The following UNC5CL variants were observed in gnomAD, a reference collection of about 807,000 sequenced individuals.
UNC5CL encodes the protein unc-5 family C-terminal like.
UNC5CL carries 42 observed loss-of-function variants against 54.1 expected under a neutral mutation model. The ratio of observed to expected loss-of-function variants is 0.78; its 90% CI spans 0.61 to 1.00. The LOEUF (loss-of-function observed/expected upper bound fraction) is 1.00, where lower values mean the gene tolerates loss of function less well. Ranked by LOEUF, UNC5CL falls within the 50% of genes least tolerant of loss-of-function variation. The pLI is 0.00. For synonymous variants in UNC5CL, 285 were observed against 285.1 expected (o/e 1.00, Z 0.00); for missense variants, 619 against 675.6 (o/e 0.92, Z 0.93).
At position 41,034,693 on chromosome 6, in the gene UNC5CL, G is replaced by A; in HGVS notation, c.382C>T (p.Pro128Ser). Residue 128 changes from proline to serine, a missense_variant, in exon 2 of 9, where the codon CCA becomes TCA. Coordinates refer to ENST00000244565, the MANE Select transcript of UNC5CL (RefSeq NM_173561.3). Reference sequence around the variant, plus strand: ...GATGAGAGCCAGGAGCTGTTACCTGGTGGGATGAGCAAGGAGATGCCTGTA... The same window carrying A: ...GATGAGAGCCAGGAGCTGTTACCTGATGGGATGAGCAAGGAGATGCCTGTA... The part of the protein sequence containing the change: ...QDTGISLLIP[P>S]GAVAVGRQER... 6.2e-7 allele frequency: 1 copy of A among 1,601,422 alleles called. No individual in the cohort carries two copies. The highest frequency in any genetic ancestry group is 8.5e-7 in the Non-Finnish European group (1 of 1,179,134).
chr6:41,027,289 A>C lies in UNC5CL; in HGVS notation c.*1084T>G, dbSNP rs1463641355. 1.3e-5 allele frequency: 2 copies of C among 152,236 alleles called. No homozygotes were observed. Among genetic ancestry groups the C allele is most frequent in the Non-Finnish European group, 2.9e-5 (2 of 68,054 alleles). 9.4% of individuals were successfully genotyped at this position (152,236 alleles called of 1,614,324 possible). ...CATTGGTTTAGAGACATATGCCTGA[A>C]GGGAAAAGAGGGAGGGTTTCAGGCA... On this transcript the variant is annotated 3_prime_UTR_variant, in exon 9 of 9. Transcript: ENST00000244565.
chr6:41,031,031 G>A (rs551099778), intron 6 of UNC5CL, among the ~76,000 whole-genome samples: 1 of 152,262 alleles, frequency 6.6e-6, no homozygotes, highest in Non-Finnish European at 1.5e-5. Context: ...GGGAAGTCCT[G>A]GGTGGGGCCG....
At chr6:41,033,798 A>G in intron 3 of UNC5CL, 83 bp downstream of exon 3, 4 of 1,466,696 alleles carry the variant, frequency 2.7e-6, no homozygotes, top group South Asian at 1.3e-5. Flanking sequence ...AGAGATGAAG[A>G]TAAGGCAGAC....
intron 1 of UNC5CL, among the ~76,000 whole-genome samples, chr6:41,038,829 C>T (rs1482262712): frequency 6.6e-6 from 1 of 152,208 alleles, no homozygotes; most frequent in Non-Finnish European, 1.5e-5. Context: ...AAACTCTCAA[C>T]CTTTCCTCCA....
chr6:41,034,627 A>G, intron 2 of UNC5CL, 63 bp downstream of exon 2: 1 of 1,549,874 alleles, frequency 6.5e-7, no homozygotes, highest in South Asian at 1.2e-5. Flanking sequence ...GCTCCCTCAG[A>G]TGTGGTGACC....
chr6:41,036,895 C>A (rs892068832), intron 1 of UNC5CL, among the ~76,000 whole-genome samples: 1 of 152,224 alleles, frequency 6.6e-6, no homozygotes, highest in Non-Finnish European at 1.5e-5. Flanking sequence ...AGTAGCTCTT[C>A]CTGAGGCCCT....
rs1345053232 is a variant in UNC5CL at position 41,026,958 on chromosome 6, GT to G, written c.*1414del. ...TTAATTAAATACAGAAGAAAATTGTGTTGCCAGAGAGATTGTTTGCCTGCCT... is the reference window on the plus strand; with the variant it reads ...TTAATTAAATACAGAAGAAAATTGTGTGCCAGAGAGATTGTTTGCCTGCCT... On this transcript the variant is annotated 3_prime_UTR_variant, in exon 9 of 9. Transcript: ENST00000244565. The G allele has an allele frequency of 6.6e-6, 1 of 152,186 alleles. No homozygotes were observed. Among genetic ancestry groups the G allele is most frequent in the Non-Finnish European group, 1.5e-5 (1 of 68,026 alleles). The allele number at this position is 152,186 out of a possible 1,614,324, so 9.4% of individuals were successfully genotyped here. A position where few individuals can be genotyped will look rare whatever the true frequency, so the allele number is the denominator to read the frequency against.
chr6:41,031,625 T>G, intron 6 of UNC5CL, 56 bp downstream of exon 6: 1 of 1,574,630 alleles, frequency 6.4e-7, no homozygotes, highest in Non-Finnish European at 8.7e-7. Flanking sequence ...TGTGCCCACT[T>G]TGCCTAGGAT....
At chr6:41,032,405 G>A (rs1762465188) in intron 4 of UNC5CL, among the ~76,000 whole-genome samples, 1 of 152,198 alleles carries the variant, frequency 6.6e-6, no homozygotes, top group Admixed American at 6.5e-5. Context: ...GGGCTCAGTA[G>A]ACAGCAGAGT....
In UNC5CL at chr6:41,028,064, C is replaced by T; in HGVS notation, c.*309G>A. The T allele has an allele frequency of 2.5e-6, 1 of 392,160 alleles. No homozygotes were observed. The highest frequency in any genetic ancestry group is 4.6e-6 in the Non-Finnish European group (1 of 217,114). The allele number at this position is 392,160 out of a possible 1,614,324, so 24.3% of individuals were successfully genotyped here. On this transcript the variant is annotated 3_prime_UTR_variant, in exon 9 of 9. Coordinates refer to ENST00000244565, the MANE Select transcript of UNC5CL (RefSeq NM_173561.3). The surrounding 1 kb of genome is among the most constrained non-coding windows in gnomAD (Gnocchi z 4.3). ...CTCAGTGAATACTTTAGGGCCTGAC[C>T]GGCCCTAAAGTGCACGCGGGGACCG...
Position 41,033,059 on chromosome 6 carries a change from T to C in UNC5CL, c.774A>G (p.Pro258=). 1 of 1,612,968 alleles carries C rather than the reference T, an allele frequency of 6.2e-7. No individual in the cohort carries two copies. Among genetic ancestry groups the C allele is most frequent in the Non-Finnish European group, 8.5e-7 (1 of 1,179,532 alleles). The change falls in exon 4 of 9, where the codon CCA becomes CCG. Residue 258 remains proline (P), a synonymous_variant. Coordinates refer to ENST00000244565, the MANE Select transcript of UNC5CL (RefSeq NM_173561.3). ...QLAVFCSPLV[P]GQSHLQLRIY... ...TACGCAGTTGCAGATGGGACTGTCC[T>C]GGCACCAGCGGTGAGCAGAATACGG...
In UNC5CL at chr6:41,034,037, C is replaced by A. The variant is rs1762487997; in HGVS notation, c.530G>T (p.Cys177Phe). 1 of 1,614,074 alleles carries A rather than the reference C, an allele frequency of 6.2e-7. No homozygotes were observed. The highest frequency in any genetic ancestry group is 1.3e-5 in the African/African-American group (1 of 74,934). ...GPHGASFLKP[C>F]TLTFKHCAEQ... ...GGCACAGTGTTTGAACGTGAGAGTG[C>A]AAGGCTTCAGGAAGGAGGCCCCATG... Residue 177 changes from cysteine (C) to phenylalanine (F), a missense_variant, in exon 3 of 9, where the codon TGC becomes TTC. Physicochemically the swap from Cys to Phe is radical, Grantham distance 205. Transcript: ENST00000244565.
At chr6:41,032,270 G>C (rs995545758) in intron 4 of UNC5CL, 133 bp from the exon 5 acceptor site, 4 of 733,102 alleles carry the variant, frequency 5.5e-6, no homozygotes, top group Admixed American at 4.7e-5. Flanking sequence ...CCAGAGCCTG[G>C]GCTGGGACCC....
rs1442361259 is a variant in UNC5CL at position 41,029,247 on chromosome 6, A to C, written c.1335-652T>G. On this transcript the variant is annotated intron_variant, in intron 8 of 8. Coordinates refer to ENST00000244565, the MANE Select transcript of UNC5CL (RefSeq NM_173561.3). The surrounding 1 kb of genome is among the most constrained non-coding windows in gnomAD (Gnocchi z 4.1). ...CACTACACCCACAGCCACCTCTGCT[A>C]CTCCCCAAAACAAAATGGCTGATCT... is the stretch of plus-strand genomic sequence containing the variant. 1.3e-5 allele frequency among the ~76,000 whole-genome samples: 2 copies of C among 151,758 alleles called. No individual in the cohort carries two copies. The highest frequency in any genetic ancestry group is 2.9e-5 in the Non-Finnish European group (2 of 67,982).
intron 6 of UNC5CL, 50 bp from the exon 7 acceptor site, chr6:41,030,805 CCT>C (rs1762446536): frequency 2.6e-6 from 4 of 1,563,590 alleles, no homozygotes; most frequent in East Asian, 2.2e-5. Flanking sequence ...AAGCCATCCC[CCT>C]GAGTAAGAAG....
chr6:41,034,833 T>G lies in UNC5CL; in HGVS notation c.242A>C (p.Gln81Pro). Residue 81 changes from glutamine (Q) to proline (P), a missense_variant, in exon 2 of 9, where the codon CAG (glutamine) becomes CCG (proline). Coordinates refer to ENST00000244565, the MANE Select transcript of UNC5CL (RefSeq NM_173561.3). ...GCCTTGAGTGGGTGTGTGTAGCTCC[T>G]GGTAGAAGGCAACCATCTCTGGCAG... ...ATLPEMVAFY[Q>P]ELHTPTQGQT... 6.2e-7 allele frequency: 1 copy of G among 1,614,240 alleles called. No homozygotes were observed. The highest frequency in any genetic ancestry group is 8.5e-7 in the Non-Finnish European group (1 of 1,180,036).
chr6:41,034,266 G>A, intron 2 of UNC5CL, 85 bp from the exon 3 acceptor site: 1 of 1,468,008 alleles, frequency 6.8e-7, no homozygotes, highest in Non-Finnish European at 9.1e-7. Flanking sequence ...AGAGAAAGGA[G>A]GTGGGGCAGG....
rs1422339274 is a variant in UNC5CL, at chr6:41,030,643, C to G, written c.1220+12G>C. 6.2e-7 allele frequency: 1 copy of G among 1,613,994 alleles called. No individual in the cohort carries two copies. Among genetic ancestry groups the G allele is most frequent in the South Asian group, 1.1e-5 (1 of 91,082 alleles). On this transcript the variant is annotated intron_variant, in intron 7 of 8. Transcript: ENST00000244565. ...ATCCCCCAGGCAGCAGCCCAAGCAA[C>G]CCCCGTCTCACCTATTGCATGGGGG...
Position 41,034,713 on chromosome 6 carries a change from C to A in UNC5CL, c.362G>T (p.Gly121Val). 6.2e-7 allele frequency: 1 copy of A among 1,604,600 alleles called. No homozygotes were observed. Among genetic ancestry groups the A allele is most frequent in the Non-Finnish European group, 8.5e-7 (1 of 1,179,902 alleles). The change falls in exon 2 of 9, where the codon GGC becomes GTC. Residue 121 changes from glycine to valine, a missense_variant. Coordinates refer to ENST00000244565, the MANE Select transcript of UNC5CL (RefSeq NM_173561.3). Reference sequence around the variant, plus strand: ...ACCTGGTGGGATGAGCAAGGAGATGCCTGTATCCTGGAGCATCAGGCAACC... The same window carrying A: ...ACCTGGTGGGATGAGCAAGGAGATGACTGTATCCTGGAGCATCAGGCAACC... Reference protein sequence around the residue: ...RGGCLMLQDTGISLLIPPGAV... With the variant: ...RGGCLMLQDTVISLLIPPGAV...
Sources: allele counts gnomAD v4.1 joint callset (sites outside exome capture counted in the v4.1 genomes callset), GRCh38; gene constraint gnomAD v4.1.1; non-coding constraint Gnocchi (gnomAD v3.1); transcripts MANE v1.5; gene names NCBI Gene and HGNC (gene_info 2026-07-23, HGNC 2026-07-21).